The following MYL9 variants were observed in gnomAD, a reference collection of about 807,000 sequenced individuals.
MYL9 encodes myosin regulatory light polypeptide 9.
In MYL9, 7 loss-of-function variants were observed where a neutral mutation model predicts 12.8. That is an observed-to-expected ratio of 0.55 (90% CI 0.31 to 1.03). The LOEUF is 1.03. MYL9 is among the 50% of genes least tolerant of loss of function. The pLI is 0.05. For synonymous variants in MYL9, 81 were observed against 87.8 expected (o/e 0.92, Z 0.43); for missense variants, 190 against 242.7 (o/e 0.78, Z 1.44).
At chr20:36,543,478 C>T (rs905143240) in intron 1 of MYL9, among the ~76,000 whole-genome samples, 1 of 152,170 alleles carries the variant, frequency 6.6e-6, no homozygotes, top group South Asian at 2.1e-4. Flanking sequence ...GAAGAGGGGC[C>T]GCAGTCCTGG....
At chr20:36,543,348 T>G (rs934164828) in intron 1 of MYL9, among the ~76,000 whole-genome samples, 5 of 152,112 alleles carry the variant, frequency 3.3e-5, no homozygotes, top group African/African-American at 1.2e-4. Flanking sequence ...CGAGAATGAC[T>G]TCAACAGAGT....
intron 2 of MYL9, 87 bp downstream of exon 2, chr20:36,545,155 C>A (rs561196246): frequency 3.5e-6 from 5 of 1,417,106 alleles, no homozygotes; most frequent in Non-Finnish European, 4.9e-6. Context: ...TGTAGTGAGA[C>A]GCGTGGTGTC....
chr20:36,549,000 A>T (rs2038137050), intron 3 of MYL9, 77 bp from the exon 4 acceptor site: 16 of 1,431,830 alleles, frequency 1.1e-5, no homozygotes, highest in Non-Finnish European at 1.5e-5. Context: ...AAGAGCTGCC[A>T]GGGGGCTGAG....
At chr20:36,546,186 A>G (rs1036267632) in intron 2 of MYL9, among the ~76,000 whole-genome samples, 1 of 152,224 alleles carries the variant, frequency 6.6e-6, no homozygotes, top group Admixed American at 6.5e-5. Flanking sequence ...CAAGGCCTCC[A>G]CAGACCATGC....
intron 1 of MYL9, among the ~76,000 whole-genome samples, chr20:36,544,417 C>T (rs559148131): frequency 3.9e-5 from 6 of 152,260 alleles, no homozygotes; most frequent in South Asian, 2.1e-4. Flanking sequence ...CTGACTCCCA[C>T]GAGTGGACCC....
Position 36,549,063 on chromosome 20 carries a change from G to T in MYL9, c.347-14G>T, listed in dbSNP as rs758678902. 1.2e-6 allele frequency: 2 copies of T among 1,610,280 alleles called. No homozygotes were observed. The highest frequency in any genetic ancestry group is 4.5e-5 in the East Asian group (2 of 44,844). On this transcript the variant is annotated splice_polypyrimidine_tract_variant and intron_variant, in intron 3 of 3. Coordinates refer to ENST00000279022, the MANE Select transcript of MYL9 (RefSeq NM_006097.5). Reference sequence around the variant, plus strand: ...CCAAGTTCCTGCTCTCACCCACCCTGCCCCTGCCCGCAGGTTTCATCCATG... The same window carrying T: ...CCAAGTTCCTGCTCTCACCCACCCTTCCCCTGCCCGCAGGTTTCATCCATG...
At chr20:36,547,725 A>C (rs186783361) in intron 2 of MYL9, among the ~76,000 whole-genome samples, 24 of 152,318 alleles carry the variant, frequency 1.6e-4, no homozygotes, top group Non-Finnish European at 3.4e-4. Context: ...TGAAAGTTAA[A>C]TGCAATAAGG....
intron 1 of MYL9, among the ~76,000 whole-genome samples, chr20:36,543,450 C>T (rs2038059738): frequency 6.6e-6 from 1 of 152,136 alleles, no homozygotes; most frequent in Admixed American, 6.5e-5. Context: ...GCCCTGGGCC[C>T]GGGGGTTTGG....
Position 36,549,257 on chromosome 20 carries a change from C to A in MYL9, c.*8C>A, listed in dbSNP as rs776698703. 6.3e-7 allele frequency: 1 copy of A among 1,592,524 alleles called. No homozygotes were observed. Among genetic ancestry groups the A allele is most frequent in the South Asian group, 1.1e-5 (1 of 89,346 alleles). ...AAGGATAAAGACGACTAGGCCACCCCAGCCCCCTGACACCCCAGCCCCCGC... is the reference window on the plus strand; with the variant it reads ...AAGGATAAAGACGACTAGGCCACCCAAGCCCCCTGACACCCCAGCCCCCGC... On this transcript the variant is annotated 3_prime_UTR_variant, in exon 4 of 4. Coordinates refer to ENST00000279022, the MANE Select transcript of MYL9 (RefSeq NM_006097.5).
rs558641906 is a variant in MYL9, at chr20:36,550,493, T to G, written c.*1244T>G. 6.6e-6 allele frequency: 1 copy of G among 152,266 alleles called. No individual in the cohort carries two copies. The highest frequency in any genetic ancestry group is 1.5e-5 in the Non-Finnish European group (1 of 68,206). The allele number at this position is 152,266 out of a possible 1,614,324, so 9.4% of individuals were successfully genotyped here. On this transcript the variant is annotated 3_prime_UTR_variant, in exon 4 of 4. Transcript: ENST00000279022. ...GGCATGGACTGCCTGGGTCACCCAATAGGCCTAGGGAAGAGTGAGGGCCGG... is the reference window on the plus strand; with the variant it reads ...GGCATGGACTGCCTGGGTCACCCAAGAGGCCTAGGGAAGAGTGAGGGCCGG...
intron 2 of MYL9, among the ~76,000 whole-genome samples, chr20:36,547,243 TATA>T (rs1215483214): frequency 2.6e-5 from 4 of 152,132 alleles, no homozygotes; most frequent in South Asian, 4.2e-4. Flanking sequence ...GAGCAGCAAA[TATA>T]ATAATAAGAA....
intron 1 of MYL9, among the ~76,000 whole-genome samples, 177 bp downstream of exon 1, chr20:36,541,738 TGG>T (rs2038038977): frequency 6.6e-6 from 1 of 152,140 alleles, no homozygotes; most frequent in Non-Finnish European, 1.5e-5. Flanking sequence ...GCGAGTTTGC[TGG>T]GGGCCGACAG....
Position 36,548,193 on chromosome 20 carries a change from G to A in MYL9, c.346G>A (p.Gly116Ser), listed in dbSNP as rs1343107075. Residue 116 changes from glycine to serine, a missense_variant and splice_region_variant, in exon 3 of 4, where the codon GGT (glycine) becomes AGT (serine). Transcript: ENST00000279022. ...TGCCTGCTTCGACGAGGAAGCCTCA[G>A]GTCCGTGGCGCCCCCTACCACCACT... is the stretch of plus-strand genomic sequence containing the variant. ...AFACFDEEAS[G>S]FIHEDHLREL... 2 of 1,605,152 alleles carry A rather than the reference G, an allele frequency of 1.2e-6. No individual in the cohort carries two copies. The highest frequency in any genetic ancestry group is 1.7e-5 in the Admixed American group (1 of 59,376).
rs2038143995 is a variant in MYL9 at position 36,549,373 on chromosome 20, G to C, written c.*124G>C. 1.2e-6 allele frequency: 1 copy of C among 855,402 alleles called. No homozygotes were observed. The highest frequency in any genetic ancestry group is 1.7e-5 in the African/African-American group (1 of 58,458). 53.0% of individuals were successfully genotyped at this position (855,402 alleles called of 1,614,324 possible). On this transcript the variant is annotated 3_prime_UTR_variant, in exon 4 of 4. Coordinates refer to ENST00000279022, the MANE Select transcript of MYL9 (RefSeq NM_006097.5). ...CCCCCTTTGAGGGGTTAGGGTCCCA[G>C]TTCCCAGTGGAAGAAACAGGCCAGG...
At chr20:36,547,863 C>T (rs954545571) in intron 2 of MYL9, among the ~76,000 whole-genome samples, 169 bp from the exon 3 acceptor site, 2 of 152,178 alleles carry the variant, frequency 1.3e-5, no homozygotes, top group African/African-American at 4.8e-5. Flanking sequence ...GGACTCCGGG[C>T]GCCCACTGCT....
chr20:36,543,252 A>G (rs2038057549), intron 1 of MYL9, among the ~76,000 whole-genome samples: 1 of 152,232 alleles, frequency 6.6e-6, no homozygotes, highest in Non-Finnish European at 1.5e-5. Flanking sequence ...CCACTGTCTC[A>G]TGACTACAGG....
intron 2 of MYL9, among the ~76,000 whole-genome samples, chr20:36,545,789 C>T (rs769081052): frequency 7.9e-5 from 12 of 151,602 alleles, no homozygotes; most frequent in East Asian, 2.0e-4. Flanking sequence ...ATTAGCTGGG[C>T]GTGGTGGCGG....
In MYL9 at chr20:36,548,208, C is replaced by T. The variant is rs1486367912; in HGVS notation, c.346+15C>T. The stretch of plus-strand genomic sequence containing the variant: ...GGAAGCCTCAGGTCCGTGGCGCCCC[C>T]TACCACCACTCTGCATGCAAGTGGA... On this transcript the variant is annotated intron_variant, in intron 3 of 3. Transcript: ENST00000279022. 3.1e-6 allele frequency: 5 copies of T among 1,594,792 alleles called. No individual in the cohort carries two copies. In the Admixed American group the frequency reaches 6.8e-5, roughly 22 times the overall value.
intron 2 of MYL9, among the ~76,000 whole-genome samples, chr20:36,547,034 G>C (rs1207133035): frequency 6.6e-6 from 1 of 152,166 alleles, no homozygotes; most frequent in Admixed American, 6.5e-5. Flanking sequence ...GGCCATCCCA[G>C]GGGGACACAG....
Sources: gnomAD v4.1 joint callset for allele counts (sites outside exome capture counted in the v4.1 genomes callset) on GRCh38, gnomAD v4.1.1 for gene constraint, MANE v1.5 for transcripts, NCBI Gene and HGNC (gene_info 2026-07-23, HGNC 2026-07-21) for gene names.